CELF2: variants seen among roughly 807,000 people sequenced by gnomAD.
CELF2 encodes the protein CUG triplet repeat RNA-binding protein 2.
Under a neutral mutation model 62.6 loss-of-function variants are expected in CELF2, and 8 were observed. The observed-to-expected ratio is 0.13, with a 90% CI of 0.07 to 0.23. The LOEUF (loss-of-function observed/expected upper bound fraction) is 0.23, where lower values mean the gene tolerates loss of function less well. CELF2 is among the 10% of genes least tolerant of loss of function. The pLI is 1.00. For missense variants in CELF2, 333 were observed against 671.0 expected (o/e 0.50, Z 5.56); for synonymous variants, 258 against 250.0 (o/e 1.03, Z -0.30).
chr10:11,272,792 G>T (rs2138724269), intron 7 of CELF2, among the ~76,000 whole-genome samples: 2 of 152,324 alleles, frequency 1.3e-5, no homozygotes, highest in South Asian at 4.1e-4. Flanking sequence ...TGGCTCACCA[G>T]AGGTTGGTTA....
chr10:11,264,119 G>A (rs2081508455), intron 5 of CELF2, among the ~76,000 whole-genome samples: 1 of 152,078 alleles, frequency 6.6e-6, no homozygotes, highest in Admixed American at 6.5e-5. Flanking sequence ...TTTTGGGTGG[G>A]GTAAGGATTA....
At chr10:10,958,367 T>A (rs1027759156) in intron 2 of CELF2, among the ~76,000 whole-genome samples, 1 of 151,832 alleles carries the variant, frequency 6.6e-6, no homozygotes, top group African/African-American at 2.4e-5. Context: ...AACGGTGGAG[T>A]CAGGGAGAGG....
chr10:10,909,960 C>G (rs1257886739), intron 1 of CELF2, among the ~76,000 whole-genome samples: 1 of 151,990 alleles, frequency 6.6e-6, no homozygotes, highest in Non-Finnish European at 1.5e-5. Context: ...TGAATAAATG[C>G]TAATGAATTC....
At chr10:10,867,053 T>C (rs2060431656) in intron 1 of CELF2, among the ~76,000 whole-genome samples, 1 of 152,232 alleles carries the variant, frequency 6.6e-6, no homozygotes, top group African/African-American at 2.4e-5. Context: ...TCTTACTGAT[T>C]ATAAATAGAA....
chr10:10,567,921 C>A, the CELF2 span, among the ~76,000 whole-genome samples: 1 of 152,130 alleles, frequency 6.6e-6, no homozygotes, highest in African/African-American at 2.4e-5. Context: ...ATTTACAAAA[C>A]TCCTACAATC....
chr10:10,746,236 A>T, the CELF2 span, among the ~76,000 whole-genome samples: 7 of 152,360 alleles, frequency 4.6e-5, no homozygotes, highest in African/African-American at 1.7e-4. Flanking sequence ...TTTGACGGCA[A>T]CAAGTAAAAT....
chr10:10,738,539 C>A, the CELF2 span, among the ~76,000 whole-genome samples: 1 of 152,152 alleles, frequency 6.6e-6, no homozygotes, highest in Non-Finnish European at 1.5e-5. Flanking sequence ...TGTCCCTCCG[C>A]AAGCCTCACC....
At chr10:10,729,254 G>A in the CELF2 span, among the ~76,000 whole-genome samples, 3 of 152,258 alleles carry the variant, frequency 2.0e-5, no homozygotes, top group East Asian at 3.9e-4. Flanking sequence ...TATTAAACAG[G>A]CAAATGCACT....
At chr10:10,750,612 G>C in the CELF2 span, among the ~76,000 whole-genome samples, 3 of 152,192 alleles carry the variant, frequency 2.0e-5, no homozygotes, top group Admixed American at 6.5e-5. Context: ...GTAAAACAAG[G>C]AATTGAAAAA....
intron 1 of CELF2, among the ~76,000 whole-genome samples, chr10:10,870,741 C>T (rs190800258): frequency 3.4e-4 from 52 of 152,296 alleles, no homozygotes; most frequent in African/African-American, 1.2e-3. Context: ...AACCCACCGC[C>T]CGCCCAGCCT....
At chr10:10,464,027 A>G in the CELF2 span, among the ~76,000 whole-genome samples, 3 of 151,524 alleles carry the variant, frequency 2.0e-5, no homozygotes, top group Non-Finnish European at 4.4e-5. Flanking sequence ...AGAATGTGGC[A>G]TTCCATACGC....
intron 2 of CELF2, among the ~76,000 whole-genome samples, chr10:10,921,608 T>A (rs1406333944): frequency 6.6e-6 from 1 of 152,046 alleles, no homozygotes; most frequent in Non-Finnish European, 1.5e-5. Flanking sequence ...TTTACTCATC[T>A]AAATGTGCAG....
At chr10:10,744,265 G>A in the CELF2 span, among the ~76,000 whole-genome samples, 10 of 152,136 alleles carry the variant, frequency 6.6e-5, no homozygotes, top group South Asian at 6.2e-4. Context: ...GTATTATTTC[G>A]CATCCTAAAT....
At chr10:10,722,576 C>T in the CELF2 span, among the ~76,000 whole-genome samples, 1 of 152,246 alleles carries the variant, frequency 6.6e-6, no homozygotes, top group Admixed American at 6.5e-5. Context: ...GAGCCAAGCC[C>T]TTAAAACAAG....
chr10:10,939,994 C>T (rs1253764597), intron 2 of CELF2, among the ~76,000 whole-genome samples: 1 of 152,110 alleles, frequency 6.6e-6, no homozygotes, highest in African/African-American at 2.4e-5. Context: ...GGCAACATGT[C>T]AGGCAGCGTC....
chr10:10,806,591 G>A (rs2055260299), intron 1 of CELF2, among the ~76,000 whole-genome samples: 1 of 152,084 alleles, frequency 6.6e-6, no homozygotes, highest in South Asian at 2.1e-4. Flanking sequence ...ATGACTTTCT[G>A]GACATGTAGA....
In CELF2 at chr10:11,191,285, G is replaced by A. The variant is rs1238320459; in HGVS notation, c.271+25603G>A. Among the ~76,000 whole-genome samples, 1 of 152,204 alleles carries A rather than the reference G, an allele frequency of 6.6e-6. No homozygotes were observed. Among genetic ancestry groups the A allele is most frequent in the East Asian group, 1.9e-4 (1 of 5,196 alleles). ...ATGGGGCTTGGAGAGTAAATGGGCA[G>A]GAGTGGGAGTGTGGGAAGGGGCCAT... On this transcript the variant is annotated intron_variant, in intron 2 of 12. Transcript: ENST00000633077. The surrounding 1 kb of genome is among the most constrained non-coding windows in gnomAD (Gnocchi z 4.1).
rs544321726 is a variant in CELF2, at chr10:10,950,661, G to A, written c.89+30662G>A. 3.0e-3 allele frequency among the ~76,000 whole-genome samples: 462 copies of A among 152,274 alleles called. 2 individuals are homozygous for A. The highest frequency in any genetic ancestry group is 0.011 in the African/African-American group (442 of 41,556). ...TCCCCATTGCTGCTGCCCTCTTTTG[G>A]AAATTAGATATCGTTTACTTATTTA... On this transcript the variant is annotated intron_variant, in intron 2 of 13. Coordinates refer to the CELF2 transcript ENST00000636488.
intron 1 of CELF2, among the ~76,000 whole-genome samples, chr10:10,877,465 G>T (rs987429998): frequency 2.0e-5 from 3 of 152,232 alleles, no homozygotes; most frequent in Non-Finnish European, 2.9e-5. Context: ...CCAGACAAAT[G>T]GTTGCATTCT....
Sources: allele counts gnomAD v4.1 joint callset (sites outside exome capture counted in the v4.1 genomes callset), GRCh38; gene constraint gnomAD v4.1.1; non-coding constraint Gnocchi (gnomAD v3.1); transcripts MANE v1.5; gene names NCBI Gene and HGNC (gene_info 2026-07-23, HGNC 2026-07-21).